The following CCSER2 variants were observed in gnomAD, a reference collection of about 807,000 sequenced individuals.
CCSER2 encodes coiled-coil serine rich protein 2.
Under a neutral mutation model 92.3 loss-of-function variants are expected in CCSER2, and 46 were observed. That is an observed-to-expected ratio of 0.50 (90% confidence interval 0.39 to 0.64). CCSER2 has a LOEUF of 0.64. CCSER2 is among the 30% of genes least tolerant of loss of function. The pLI, the probability that CCSER2 is intolerant of heterozygous loss-of-function variation, is 0.00. For missense variants in CCSER2, 1,244 were observed against 1,238.9 expected (o/e 1.00, Z -0.06); for synonymous variants, 433 against 431.4 (o/e 1.00, Z -0.04).
intron 6 of CCSER2, among the ~76,000 whole-genome samples, chr10:84,446,100 C>T (rs530702662): frequency 6.6e-6 from 1 of 152,106 alleles, no homozygotes; most frequent in East Asian, 1.9e-4. Flanking sequence ...TTTGTTTGCT[C>T]TTATCATATC....
At chr10:84,382,799 A>G (rs1211627317) in intron 3 of CCSER2, among the ~76,000 whole-genome samples, 2 of 152,232 alleles carry the variant, frequency 1.3e-5, no homozygotes, top group East Asian at 1.9e-4. Flanking sequence ...TTATCTTCAC[A>G]TAGTGGGGAA....
chr10:84,447,622 G>A (rs772931829), intron 6 of CCSER2, among the ~76,000 whole-genome samples: 3 of 152,058 alleles, frequency 2.0e-5, no homozygotes, highest in Non-Finnish European at 2.9e-5. Context: ...CTTGCTCTGA[G>A]GCCATAAAAA....
At chr10:84,411,918 C>G (rs879828960) in intron 3 of CCSER2, among the ~76,000 whole-genome samples, 9 of 152,090 alleles carry the variant, frequency 5.9e-5, no homozygotes, top group Admixed American at 5.9e-4. Flanking sequence ...CAGCTTTTGC[C>G]CTTTCAGTAT....
At chr10:84,499,914 T>C in intron 9 of CCSER2, 1 of 1,613,830 alleles carries the variant, frequency 6.2e-7, no homozygotes, top group Non-Finnish European at 8.5e-7. Context: ...TTGGCAGGGC[T>C]CCTTCCAGGG....
chr10:84,498,959 A>C (rs1319515793), intron 9 of CCSER2, among the ~76,000 whole-genome samples: 1 of 152,230 alleles, frequency 6.6e-6, no homozygotes, highest in African/African-American at 2.4e-5. Context: ...TGATTAAAAT[A>C]AGTAAAGCTA....
intron 5 of CCSER2, among the ~76,000 whole-genome samples, chr10:84,427,528 G>A (rs531380611): frequency 2.0e-5 from 3 of 152,122 alleles, no homozygotes; most frequent in East Asian, 1.9e-4. Flanking sequence ...GTATTGCTTC[G>A]CTTTCTTCTG....
intron 8 of CCSER2, among the ~76,000 whole-genome samples, chr10:84,475,957 G>A (rs1035718471): frequency 4.6e-5 from 7 of 152,082 alleles, no homozygotes; most frequent in East Asian, 1.9e-4. Context: ...TCAACCTCCC[G>A]GGTAGCTGGG....
chr10:84,373,643 C>T lies in CCSER2; in HGVS notation c.1442C>T (p.Thr481Ile). ...GACAGGAGTGAATGTACAAAACATA[C>T]TTCTGGGAATAATTTGGTTTCACCA... is the stretch of plus-strand genomic sequence containing the variant. ...VSDRSECTKH[T>I]SGNNLVSPDT... Residue 481 changes from threonine to isoleucine, a missense_variant, in exon 3 of 10, where the codon ACT (threonine) becomes ATT (isoleucine). Transcript: ENST00000372088. 2 of 1,612,862 alleles carry T rather than the reference C, an allele frequency of 1.2e-6. No individual in the cohort carries two copies. Among genetic ancestry groups the T allele is most frequent in the Non-Finnish European group, 1.7e-6 (2 of 1,179,190 alleles).
intron 6 of CCSER2, among the ~76,000 whole-genome samples, chr10:84,445,592 G>A (rs993484508): frequency 6.6e-6 from 1 of 152,138 alleles, no homozygotes; most frequent in Non-Finnish European, 1.5e-5. Context: ...CCAGCATCTA[G>A]CAAGAAATGA....
intron 9 of CCSER2, among the ~76,000 whole-genome samples, chr10:84,487,523 T>A (rs1589795056): frequency 6.6e-6 from 1 of 152,262 alleles, no homozygotes; most frequent in East Asian, 1.9e-4. Flanking sequence ...ATGGGAGTTC[T>A]GTCATGATTT....
chr10:84,482,355 G>A (rs964322138), intron 9 of CCSER2, among the ~76,000 whole-genome samples: 1 of 152,180 alleles, frequency 6.6e-6, no homozygotes, highest in African/African-American at 2.4e-5. Context: ...CATGAAAATA[G>A]TTGATATTAC....
chr10:84,488,807 T>C (rs1433566934), intron 9 of CCSER2, among the ~76,000 whole-genome samples: 1 of 127,604 alleles, frequency 7.8e-6, no homozygotes, highest in Non-Finnish European at 1.9e-5. Context: ...CTCTTGCTTC[T>C]CTAGTTCTTT....
intron 5 of CCSER2, among the ~76,000 whole-genome samples, chr10:84,434,545 G>A (rs1309089234): frequency 6.6e-6 from 1 of 152,164 alleles, no homozygotes; most frequent in Non-Finnish European, 1.5e-5. Context: ...CAAAGCAAAT[G>A]TGTCAATATT....
In CCSER2 at chr10:84,371,195, A is replaced by G. The variant is rs747964636; in HGVS notation, c.143A>G (p.Lys48Arg). ...LLGTSKNSNV[K>R]SYIKNNGSDC... ...GGAACTTCCAAGAATAGTAATGTCA[A>G]AAGTTACATCAAAAATAATGGCTCT... The change falls in exon 2 of 10, where the codon AAA becomes AGA. Residue 48 changes from lysine (K) to arginine (R), a missense_variant. By Grantham distance (26) the Lys-to-Arg change is conservative. Coordinates refer to ENST00000372088, the MANE Select transcript of CCSER2 (RefSeq NM_001284240.2). 16 of 1,613,490 alleles carry G rather than the reference A, an allele frequency of 9.9e-6. No homozygotes were observed. The highest frequency in any genetic ancestry group is 3.3e-4 in the Middle Eastern group (2 of 6,062).
At chr10:84,457,301 A>T (rs1210773426) in intron 6 of CCSER2, among the ~76,000 whole-genome samples, 2,563 of 53,290 alleles carry the variant, frequency 0.048, 136 homozygotes, top group Non-Finnish European at 0.066. Context: ...TATTATATAT[A>T]ATATGTTATA....
chr10:84,357,220 G>C (rs751868429), intron 1 of CCSER2, among the ~76,000 whole-genome samples: 6 of 148,842 alleles, frequency 4.0e-5, no homozygotes, highest in Non-Finnish European at 8.9e-5. Flanking sequence ...AGGGTGAGGG[G>C]TAGTGCATTT....
intron 9 of CCSER2, among the ~76,000 whole-genome samples, chr10:84,482,864 C>T (rs1847536108): frequency 1.3e-5 from 2 of 152,026 alleles, no homozygotes; most frequent in South Asian, 2.1e-4. Context: ...GAAAAGGTGC[C>T]TACAAGTTAA....
chr10:84,495,226 C>CT (rs1181718727), intron 9 of CCSER2, among the ~76,000 whole-genome samples: 1 of 147,214 alleles, frequency 6.8e-6, no homozygotes, highest in Non-Finnish European at 1.5e-5. Context: ...CCATGGATAA[C>CT]TTAGGGGTAT....
At chr10:84,495,785 TTTG>T (rs1848415504) in intron 9 of CCSER2, among the ~76,000 whole-genome samples, 2 of 150,678 alleles carry the variant, frequency 1.3e-5, no homozygotes, top group Admixed American at 6.6e-5. Flanking sequence ...GTTTTTTTTT[TTTG>T]GCGTGGTATA....
Sources: allele counts gnomAD v4.1 joint callset (sites outside exome capture counted in the v4.1 genomes callset), GRCh38; gene constraint gnomAD v4.1.1; transcripts MANE v1.5; gene names NCBI Gene and HGNC (gene_info 2026-07-23, HGNC 2026-07-21).